PCM1: variants seen among roughly 807,000 people sequenced by gnomAD.
The protein encoded by PCM1 is pericentriolar material 1, also known as pericentriolar material 1 protein.
In PCM1, 157 loss-of-function variants were observed where a neutral mutation model predicts 241.9. The observed-to-expected ratio is 0.65, with a 90% CI of 0.57 to 0.74. The LOEUF is 0.74. PCM1 is among the 30% of genes least tolerant of loss of function. The pLI, the probability that PCM1 is intolerant of heterozygous loss-of-function variation, is 0.00. For synonymous variants in PCM1, 1,085 were observed against 784.9 expected, an observed-to-expected ratio of 1.38 and a Z score of -6.39; for missense variants, 3,478 against 2,360.1, an observed-to-expected ratio of 1.47 and a Z score of -9.81.
chr8:18,003,323 A>T (rs2090230036), intron 29 of PCM1, among the ~76,000 whole-genome samples: 2 of 152,246 alleles, frequency 1.3e-5, no homozygotes, highest in South Asian at 4.1e-4. Flanking sequence ...CAACTGGCCC[A>T]TAGGATAAAG....
chr8:18,003,528 G>A (rs558845147), intron 29 of PCM1, among the ~76,000 whole-genome samples: 1 of 152,116 alleles, frequency 6.6e-6, no homozygotes, highest in African/African-American at 2.4e-5. Flanking sequence ...GTGTTTACAG[G>A]CAGAATTCCT....
chr8:17,972,602 C>T lies in PCM1; in HGVS notation c.3858C>T (p.Ala1286=). 1 of 1,598,342 alleles carries T rather than the reference C, an allele frequency of 6.3e-7. No homozygotes were observed. ...TFKTRKASAQ[A]SLASKDKTPK... Reference sequence around the variant, plus strand: ...AGACAAGAAAAGCGTCTGCACAGGCCAGCCTGGCATCTAAAGATAAAACTC... The same window carrying T: ...AGACAAGAAAAGCGTCTGCACAGGCTAGCCTGGCATCTAAAGATAAAACTC... Residue 1286 remains alanine, a synonymous_variant, in exon 23 of 39, where the codon GCC becomes GCT. Coordinates refer to ENST00000325083, the MANE Select transcript of PCM1 (RefSeq NM_006197.4).
intron 25 of PCM1, among the ~76,000 whole-genome samples, 168 bp downstream of exon 25, chr8:17,985,787 G>C (rs146770504): frequency 1.1e-3 from 170 of 151,774 alleles, no homozygotes; most frequent in Non-Finnish European, 1.8e-3. Flanking sequence ...TAGCATTAAA[G>C]TATTTTTTTT....
At chr8:18,018,885 C>T (rs78660174) in intron 36 of PCM1, among the ~76,000 whole-genome samples, 20,248 of 52,540 alleles carry the variant, frequency 0.39, 2,322 homozygotes, top group African/African-American at 0.45. Context: ...TATATACACA[C>T]ACATATACAT....
chr8:17,980,510 A>T, intron 23 of PCM1, 81 bp from the exon 24 acceptor site: 1 of 1,108,318 alleles, frequency 9.0e-7, no homozygotes, highest in Non-Finnish European at 1.3e-6. Context: ...AGTTACCTGT[A>T]CTGTTACACA....
rs769882269 is a variant in PCM1, at chr8:18,011,787, C to G, written c.5471C>G (p.Ala1824Gly). ...GPVDVQTSLQ[A>G]NTEATEENEH... ...GTGGATGTCCAGACTTCCCTCCAGG[C>G]TAACACTGAAGCTACTGAAGAAAAT... The change falls in exon 34 of 39, where the codon GCT becomes GGT. Residue 1824 changes from alanine to glycine, a missense_variant. By Grantham distance (60) the Ala-to-Gly change is moderately conservative (BLOSUM62 0). Coordinates refer to ENST00000325083, the MANE Select transcript of PCM1 (RefSeq NM_006197.4). 1.9e-6 allele frequency: 3 copies of G among 1,613,468 alleles called. No homozygotes were observed. Among genetic ancestry groups the G allele is most frequent in the African/African-American group, 1.3e-5 (1 of 74,882 alleles).
At chr8:17,928,103 A>G (rs547379250) in intron 2 of PCM1, 5 of 152,296 alleles carry the variant, frequency 3.3e-5, no homozygotes, top group East Asian at 3.9e-4. Context: ...ACTGTCATCA[A>G]TCACTTCTAC....
At position 18,014,602 on chromosome 8, in the gene PCM1, C is replaced by T. The variant is rs1425867971; in HGVS notation, c.5603C>T (p.Pro1868Leu). Residue 1868 changes from proline to leucine, a missense_variant, in exon 36 of 39, where the codon CCT becomes CTT. By Grantham distance (98) the Pro-to-Leu change is moderately conservative. Transcript: ENST00000325083. ...ATSKNDQNNC[P>L]VKPCYLNILE... Reference sequence around the variant, plus strand: ...ATGACAGATGACCAAAATAACTGTCCTGTGAAACCCTGTTACCTCAATATC... The same window carrying T: ...ATGACAGATGACCAAAATAACTGTCTTGTGAAACCCTGTTACCTCAATATC... 19 of 1,607,152 alleles carry T rather than the reference C, an allele frequency of 1.2e-5. No homozygotes were observed. The highest frequency in any genetic ancestry group is 1.6e-5 in the Non-Finnish European group (19 of 1,175,254).
Position 17,957,212 on chromosome 8 carries a change from TTC to T in PCM1, c.1647-46_1647-45del, listed in dbSNP as rs1332533703. ...TTAGCAGTTCTAAACTTGGATTTCT[TTC>T]TCTCTTTTTTTGTGCCTTAAATGAC... On this transcript the variant is annotated intron_variant, in intron 11 of 38. Coordinates refer to ENST00000325083, the MANE Select transcript of PCM1 (RefSeq NM_006197.4). 1.0e-5 allele frequency: 15 copies of T among 1,452,888 alleles called. No individual in the cohort carries two copies. The East Asian group carries it at 3.2e-4, about 31-fold the overall frequency. 90.0% of individuals were successfully genotyped at this position (1,452,888 alleles called of 1,614,324 possible).
At chr8:17,968,640 A>T (rs955486394) in intron 21 of PCM1, among the ~76,000 whole-genome samples, 2 of 151,980 alleles carry the variant, frequency 1.3e-5, no homozygotes, top group African/African-American at 4.8e-5. Context: ...ATATATATAT[A>T]TATAATCACA....
chr8:17,963,252 C>T lies in PCM1; in HGVS notation c.2615C>T (p.Ser872Phe), dbSNP rs2129468633. ...GCTGTGTCATTGAGAAGTGATGGAT[C>T]TGAGAACCTATGTACTCCTCAGCAA... ...PVAVSLRSDGSENLCTPQQSR... is the reference protein window; with the variant it reads ...PVAVSLRSDGFENLCTPQQSR... Residue 872 changes from serine to phenylalanine, a missense_variant, in exon 17 of 39, where the codon TCT (serine) becomes TTT (phenylalanine). Coordinates refer to ENST00000325083, the MANE Select transcript of PCM1 (RefSeq NM_006197.4). 6.2e-7 allele frequency: 1 copy of T among 1,612,968 alleles called. No homozygotes were observed. Among genetic ancestry groups the T allele is most frequent in the Middle Eastern group, 1.7e-4 (1 of 6,052 alleles).
intron 25 of PCM1, 145 bp downstream of exon 25, chr8:17,985,764 T>C (rs1390578614): frequency 1.3e-6 from 1 of 799,572 alleles, no homozygotes; most frequent in Non-Finnish European, 1.9e-6. Context: ...TTAAAATTTT[T>C]GTATAGCTTA....
intron 36 of PCM1, among the ~76,000 whole-genome samples, chr8:18,020,383 T>C (rs182363074): frequency 3.9e-5 from 6 of 152,314 alleles, no homozygotes; most frequent in African/African-American, 1.4e-4. Flanking sequence ...TGAAAGCTCA[T>C]TACCTTCCAG....
intron 13 of PCM1, 83 bp downstream of exon 13, chr8:17,957,858 T>A (rs1463101432): frequency 6.5e-6 from 6 of 918,804 alleles, no homozygotes; most frequent in Non-Finnish European, 1.0e-5. Context: ...ATTACTTTGG[T>A]TTAATTATAC....
At position 17,943,197 on chromosome 8, in the gene PCM1, G is replaced by C. The variant is rs1378004065; in HGVS notation, c.783+3336G>C. On this transcript the variant is annotated intron_variant, in intron 6 of 38. Transcript: ENST00000325083. ...TTTGTTGTATTTTTTTTTTTTTTTTGGTGTGTGTGGCTATTTACAAATGGT... is the reference window on the plus strand; with the variant it reads ...TTTGTTGTATTTTTTTTTTTTTTTTCGTGTGTGTGGCTATTTACAAATGGT... Among the ~76,000 whole-genome samples, 734 of 82,196 alleles carry C rather than the reference G, an allele frequency of 8.9e-3. 6 individuals are homozygous for C. Among genetic ancestry groups the C allele is most frequent in the African/African-American group, 0.027 (682 of 25,558 alleles). The allele number at this position is 82,196 out of a possible 152,430, so 53.9% of individuals were successfully genotyped here.
At chr8:18,003,795 T>TA (rs2090400406) in intron 29 of PCM1, among the ~76,000 whole-genome samples, 1 of 152,120 alleles carries the variant, frequency 6.6e-6, no homozygotes, top group Non-Finnish European at 1.5e-5. Flanking sequence ...AGAATATACT[T>TA]ATAAATTTTA....
At chr8:18,023,165 TATAA>T (rs896897967) in intron 36 of PCM1, among the ~76,000 whole-genome samples, 2 of 152,222 alleles carry the variant, frequency 1.3e-5, no homozygotes, top group African/African-American at 4.8e-5. Flanking sequence ...CAACAAAATA[TATAA>T]ATGTTTTCAC....
chr8:17,946,257 C>T (rs916507996), intron 6 of PCM1, among the ~76,000 whole-genome samples: 4 of 152,064 alleles, frequency 2.6e-5, no homozygotes, highest in Non-Finnish European at 5.9e-5. Context: ...TGTCATCAGA[C>T]TCAGATGAAT....
At chr8:17,955,703 A>G (rs752855668) in intron 10 of PCM1, 50 bp downstream of exon 10, 42 of 1,374,676 alleles carry the variant, frequency 3.1e-5, no homozygotes, top group Non-Finnish European at 4.1e-5. Context: ...ATAGGGATAA[A>G]TTCTGTTTTT....
Sources: allele counts gnomAD v4.1 joint callset (sites outside exome capture counted in the v4.1 genomes callset), GRCh38; gene constraint gnomAD v4.1.1; transcripts MANE v1.5; gene names NCBI Gene and HGNC (gene_info 2026-07-23, HGNC 2026-07-21).